The following AKAP7 variants were observed in gnomAD, a reference collection of about 807,000 sequenced individuals.
AKAP7 encodes the protein A-kinase anchoring protein 7.
Under a neutral mutation model 39.5 loss-of-function variants are expected in AKAP7, and 39 were observed. That is an observed-to-expected ratio of 0.99 (90% confidence interval 0.76 to 1.29). The LOEUF (loss-of-function observed/expected upper bound fraction) is 1.29, where lower values mean the gene tolerates loss of function less well. Among genes scored for constraint, AKAP7 ranks in the 50% most tolerant of loss-of-function variants. AKAP7 has a pLI of 0.00. For missense variants in AKAP7, 414 were observed against 407.7 expected (o/e 1.02, Z -0.13); for synonymous variants, 140 against 139.1 (o/e 1.01, Z -0.05).
intron 7 of AKAP7, among the ~76,000 whole-genome samples, chr6:131,226,352 TAAGAA>T (rs938279405): frequency 6.6e-6 from 1 of 152,208 alleles, no homozygotes; most frequent in African/African-American, 2.4e-5. Context: ...TTTTCAGATA[TAAGAA>T]AAGGTACATT....
the AKAP7 span, among the ~76,000 whole-genome samples, chr6:131,129,142 C>T: frequency 6.6e-6 from 1 of 151,884 alleles, no homozygotes; most frequent in Admixed American, 6.6e-5. Context: ...CAAAAATTAG[C>T]CAGGTGTGGT....
At chr6:131,266,812 ACTTAT>A (rs756239360) in intron 7 of AKAP7, among the ~76,000 whole-genome samples, 7 of 152,104 alleles carry the variant, frequency 4.6e-5, no homozygotes, top group African/African-American at 1.7e-4. Context: ...TGATTAATCA[ACTTAT>A]CTTCAAGTTC....
intron 2 of AKAP7, among the ~76,000 whole-genome samples, chr6:131,145,896 T>C (rs902889898): frequency 2.0e-5 from 3 of 152,030 alleles, no homozygotes; most frequent in African/African-American, 7.2e-5. Context: ...TCTATTGGTA[T>C]AATAATAATA....
At chr6:131,127,044 T>C in the AKAP7 span, among the ~76,000 whole-genome samples, 1 of 109,564 alleles carries the variant, frequency 9.1e-6, no homozygotes, top group African/African-American at 3.1e-5. Context: ...CATTTTGCTT[T>C]GTTTTTTTTT....
intron 7 of AKAP7, among the ~76,000 whole-genome samples, chr6:131,223,954 G>T (rs1443295768): frequency 6.6e-6 from 1 of 152,000 alleles, no homozygotes; most frequent in Non-Finnish European, 1.5e-5. Flanking sequence ...CTTATGTGAG[G>T]TAGTTTCTCC....
chr6:131,135,171 A>G (rs1800428231), upstream of AKAP7, among the ~76,000 whole-genome samples: 1 of 152,210 alleles, frequency 6.6e-6, no homozygotes, highest in Admixed American at 6.5e-5. Flanking sequence ...AACTAAGCAC[A>G]TGGATTCTCA....
intron 7 of AKAP7, among the ~76,000 whole-genome samples, chr6:131,279,128 A>G (rs963482303): frequency 6.6e-6 from 1 of 152,226 alleles, no homozygotes; most frequent in African/African-American, 2.4e-5. Flanking sequence ...ATCATGAAGC[A>G]CAATTGACAA....
intron 6 of AKAP7, among the ~76,000 whole-genome samples, chr6:131,203,254 C>T (rs1053008237): frequency 2.6e-5 from 4 of 152,106 alleles, no homozygotes; most frequent in Non-Finnish European, 4.4e-5. Flanking sequence ...TCAGTCTTAA[C>T]GTTTTTACAT....
chr6:131,218,105 T>G (rs2128296508), intron 6 of AKAP7, among the ~76,000 whole-genome samples: 1 of 152,296 alleles, frequency 6.6e-6, no homozygotes, highest in East Asian at 1.9e-4. Flanking sequence ...TAAATGGACT[T>G]ACTTAGTCCA....
chr6:131,235,931 G>A (rs1811016351), intron 7 of AKAP7, among the ~76,000 whole-genome samples: 1 of 152,112 alleles, frequency 6.6e-6, no homozygotes. Flanking sequence ...TGTCAATTTT[G>A]GCTTTTGTTG....
At chr6:131,196,534 G>T (rs1298790142) in intron 5 of AKAP7, among the ~76,000 whole-genome samples, 1 of 152,038 alleles carries the variant, frequency 6.6e-6, no homozygotes, top group Non-Finnish European at 1.5e-5. Context: ...AAAGTGTTGG[G>T]ATTACAGGCA....
chr6:131,149,321 G>A (rs541463713), intron 2 of AKAP7, among the ~76,000 whole-genome samples: 1 of 152,192 alleles, frequency 6.6e-6, no homozygotes, highest in Admixed American at 6.5e-5. Flanking sequence ...CCAAATGCAT[G>A]TACAATGGAA....
At chr6:131,267,120 T>G (rs1042424585) in intron 7 of AKAP7, among the ~76,000 whole-genome samples, 20 of 152,200 alleles carry the variant, frequency 1.3e-4, no homozygotes, top group African/African-American at 3.4e-4. Flanking sequence ...GAGCTAATTT[T>G]GAATAATTTT....
At chr6:131,170,439 A>G (rs759088224) in intron 5 of AKAP7, among the ~76,000 whole-genome samples, 12 of 152,092 alleles carry the variant, frequency 7.9e-5, no homozygotes, top group Non-Finnish European at 1.8e-4. Context: ...ATCTAACCGT[A>G]TTGTCCTTTC....
intron 7 of AKAP7, among the ~76,000 whole-genome samples, chr6:131,277,594 C>T (rs1814854855): frequency 2.6e-5 from 4 of 152,184 alleles, no homozygotes; most frequent in Admixed American, 2.6e-4. Flanking sequence ...AAAAATACAG[C>T]ATAATTCTAA....
intron 7 of AKAP7, among the ~76,000 whole-genome samples, chr6:131,275,344 A>G (rs1427466358): frequency 6.6e-6 from 1 of 152,224 alleles, no homozygotes; most frequent in African/African-American, 2.4e-5. Flanking sequence ...TAGAGAGGTC[A>G]CGGACAAGGT....
chr6:131,203,229 T>C lies in AKAP7; in HGVS notation c.702+3656T>C, dbSNP rs547616950. On this transcript the variant is annotated intron_variant, in intron 6 of 7. Coordinates refer to ENST00000431975, the MANE Select transcript of AKAP7 (RefSeq NM_016377.4). ...TTGGTATGTAGATTATTTGAAAATATATGGTTCCTTAGTCTCAGTCTTAAC... is the reference window on the plus strand; with the variant it reads ...TTGGTATGTAGATTATTTGAAAATACATGGTTCCTTAGTCTCAGTCTTAAC... Among the ~76,000 whole-genome samples, 4 of 152,328 alleles carry C rather than the reference T, an allele frequency of 2.6e-5. No homozygotes were observed. In the East Asian group the frequency reaches 7.7e-4, roughly 29 times the overall value.
chr6:131,144,017 C>T (rs1203809665), intron 1 of AKAP7, among the ~76,000 whole-genome samples: 1 of 137,788 alleles, frequency 7.3e-6, no homozygotes, highest in Non-Finnish European at 1.5e-5. Flanking sequence ...TCTTGCACCG[C>T]CCTTAATCCA....
At chr6:131,273,326 AT>A (rs1221584401) in intron 7 of AKAP7, among the ~76,000 whole-genome samples, 1 of 152,112 alleles carries the variant, frequency 6.6e-6, no homozygotes, top group Non-Finnish European at 1.5e-5. Context: ...GTTTTATACA[AT>A]TATCAATATG....
Sources: allele counts gnomAD v4.1 joint callset (sites outside exome capture counted in the v4.1 genomes callset), GRCh38; gene constraint gnomAD v4.1.1; transcripts MANE v1.5; gene names NCBI Gene and HGNC (gene_info 2026-07-23, HGNC 2026-07-21).